NEGR1: variants seen among roughly 807,000 people sequenced by gnomAD.
NEGR1 encodes the protein IgLON family member 4.
A neutral mutation model predicts 40.9 loss-of-function variants in NEGR1; 10 were observed. That is an observed-to-expected ratio of 0.24 (90% CI 0.15 to 0.42). NEGR1 has a LOEUF of 0.42. NEGR1 is among the 10% of genes least tolerant of loss of function. NEGR1 has a pLI of 1.00. For missense variants in NEGR1, 352 were observed against 438.9 expected, an observed-to-expected ratio of 0.80 and a Z score of 1.77; for synonymous variants, 185 against 166.8, an observed-to-expected ratio of 1.11 and a Z score of -0.84.
chr1:71,428,995 A>G (rs532333411), intron 6 of NEGR1, among the ~76,000 whole-genome samples: 2 of 152,344 alleles, frequency 1.3e-5, no homozygotes, highest in African/African-American at 4.8e-5. Context: ...ACCTGCAGGT[A>G]GCCTTTTCAA....
chr1:72,080,320 A>G (rs1647941944), intron 1 of NEGR1, among the ~76,000 whole-genome samples: 1 of 152,122 alleles, frequency 6.6e-6, no homozygotes, highest in Non-Finnish European at 1.5e-5. Flanking sequence ...GCATCCAGAT[A>G]GTTTCTTACT....
chr1:71,968,599 G>C (rs72935881), intron 1 of NEGR1, among the ~76,000 whole-genome samples: 116 of 152,316 alleles, frequency 7.6e-4, no homozygotes, highest in African/African-American at 2.6e-3. Flanking sequence ...ATGAGGAAGA[G>C]AGATTTAACA....
At chr1:71,919,544 C>T (rs1645680564) in intron 2 of NEGR1, among the ~76,000 whole-genome samples, 1 of 144,284 alleles carries the variant, frequency 6.9e-6, no homozygotes, top group South Asian at 2.3e-4. Flanking sequence ...AGGATAAAAA[C>T]TACAGTTACT....
intron 1 of NEGR1, among the ~76,000 whole-genome samples, chr1:72,134,081 A>G (rs993302490): frequency 6.6e-6 from 1 of 152,170 alleles, no homozygotes; most frequent in African/African-American, 2.4e-5. Flanking sequence ...AATTGCATTT[A>G]AATGCTTGTT....
intron 1 of NEGR1, among the ~76,000 whole-genome samples, chr1:72,205,522 T>C (rs1434534755): frequency 6.7e-6 from 1 of 149,750 alleles, no homozygotes; most frequent in East Asian, 2.0e-4. Flanking sequence ...TCTTCTAAGA[T>C]TTTTTCCACT....
At chr1:71,909,767 T>C (rs1243298113) in intron 2 of NEGR1, among the ~76,000 whole-genome samples, 1 of 152,236 alleles carries the variant, frequency 6.6e-6, no homozygotes, top group Non-Finnish European at 1.5e-5. Flanking sequence ...GAAAATAAAT[T>C]AGAATTTACA....
intron 2 of NEGR1, among the ~76,000 whole-genome samples, chr1:71,837,311 G>C (rs904742186): frequency 6.6e-6 from 1 of 152,084 alleles, no homozygotes; most frequent in South Asian, 2.1e-4. Context: ...CTCTGACAAA[G>C]TAGATATTAT....
At chr1:72,255,530 G>T (rs1048267734) in intron 1 of NEGR1, among the ~76,000 whole-genome samples, 48 of 148,574 alleles carry the variant, frequency 3.2e-4, no homozygotes, top group African/African-American at 1.2e-3. Flanking sequence ...GCCTACTATG[G>T]TTTATCAAAA....
At chr1:71,525,058 T>C (rs1647200136) in intron 6 of NEGR1, among the ~76,000 whole-genome samples, 1 of 151,796 alleles carries the variant, frequency 6.6e-6, no homozygotes, top group East Asian at 1.9e-4. Context: ...ATTTATGTTG[T>C]TTTAAGCCAC....
intron 5 of NEGR1, among the ~76,000 whole-genome samples, chr1:71,596,779 G>T (rs181090088): frequency 1.2e-3 from 186 of 152,278 alleles, no homozygotes; most frequent in Middle Eastern, 6.8e-3. Context: ...AAACCAACTT[G>T]CAGATGAAAA....
intron 2 of NEGR1, among the ~76,000 whole-genome samples, chr1:71,881,185 C>A (rs768113811): frequency 6.6e-6 from 1 of 151,954 alleles, no homozygotes; most frequent in African/African-American, 2.4e-5. Flanking sequence ...GATCATAGGA[C>A]CCTAAATATA....
rs867434843 is a variant in NEGR1, at chr1:71,918,981, T to A, written c.409+16098A>T. Among the ~76,000 whole-genome samples the A allele has an allele frequency of 6.6e-5, 10 of 152,172 alleles. No homozygotes were observed. In the South Asian group the frequency reaches 1.5e-3, roughly 22 times the overall value. On this transcript the variant is annotated intron_variant, in intron 2 of 6. Coordinates refer to ENST00000357731, the MANE Select transcript of NEGR1 (RefSeq NM_173808.3). Reference sequence around the variant, plus strand: ...CCAGATGGAGTGATTTTGATAAAAATTTGCAGTACTGTGAGATTTCAACAA... The same window carrying A: ...CCAGATGGAGTGATTTTGATAAAAAATTGCAGTACTGTGAGATTTCAACAA...
intron 3 of NEGR1, among the ~76,000 whole-genome samples, chr1:71,725,037 T>C (rs1446083236): frequency 3.9e-5 from 6 of 152,130 alleles, no homozygotes; most frequent in South Asian, 2.1e-4. Flanking sequence ...TCAACCTTCA[T>C]TGCCTAATGT....
intron 2 of NEGR1, among the ~76,000 whole-genome samples, chr1:71,845,050 A>T (rs1389688073): frequency 6.6e-6 from 1 of 152,170 alleles, no homozygotes; most frequent in Non-Finnish European, 1.5e-5. Context: ...GTTTAATGTT[A>T]GGAATAATAG....
At chr1:71,578,381 GT>G (rs1467909737) in intron 6 of NEGR1, among the ~76,000 whole-genome samples, 2 of 152,124 alleles carry the variant, frequency 1.3e-5, no homozygotes, top group African/African-American at 4.8e-5. Flanking sequence ...ACTATGGCTA[GT>G]AATTCATTGG....
At chr1:71,655,797 A>T (rs912826003) in intron 4 of NEGR1, among the ~76,000 whole-genome samples, 4 of 152,152 alleles carry the variant, frequency 2.6e-5, no homozygotes, top group Non-Finnish European at 5.9e-5. Context: ...GTCTCATTTG[A>T]GTTGTGAAAG....
chr1:72,245,406 G>A (rs1436732196), intron 1 of NEGR1, among the ~76,000 whole-genome samples: 1 of 152,092 alleles, frequency 6.6e-6, no homozygotes, highest in Non-Finnish European at 1.5e-5. Flanking sequence ...CTCAGGAAGA[G>A]TTTCTTCCAC....
At chr1:71,668,985 GAA>G (rs1457329315) in intron 4 of NEGR1, among the ~76,000 whole-genome samples, 2 of 152,076 alleles carry the variant, frequency 1.3e-5, no homozygotes, top group East Asian at 1.9e-4. Context: ...AGAGGTTTGT[GAA>G]AGTCTTCCAA....
intron 1 of NEGR1, among the ~76,000 whole-genome samples, chr1:72,192,805 T>C (rs1012589277): frequency 1.3e-5 from 2 of 151,910 alleles, no homozygotes; most frequent in African/African-American, 4.8e-5. Context: ...TATTTATAAA[T>C]ATCATTAAAT....
Sources: allele counts gnomAD v4.1 joint callset (sites outside exome capture counted in the v4.1 genomes callset), GRCh38; gene constraint gnomAD v4.1.1; transcripts MANE v1.5; gene names NCBI Gene and HGNC (gene_info 2026-07-23, HGNC 2026-07-21).